Variants in SCP2 observed in about 807,000 individuals in gnomAD.
SCP2 encodes SCP-2/3-oxoacyl-CoA thiolase.
A neutral mutation model predicts 71.4 loss-of-function variants in SCP2; 48 were observed. The observed-to-expected ratio is 0.67, with a 90% CI of 0.53 to 0.86. The LOEUF (loss-of-function observed/expected upper bound fraction) is 0.86. SCP2 is among the 40% of genes least tolerant of loss of function. SCP2 has a pLI of 0.00. For missense variants in SCP2, 560 were observed against 655.6 expected (o/e 0.85, Z 1.59); for synonymous variants, 220 against 218.1 (o/e 1.01, Z -0.08).
chr1:53,023,853 T>G (rs1185103659), intron 12 of SCP2, among the ~76,000 whole-genome samples: 1 of 152,146 alleles, frequency 6.6e-6, no homozygotes, highest in Non-Finnish European at 1.5e-5. Context: ...TCCACACCCT[T>G]CCTTTCACCC....
chr1:53,001,750 A>G (rs1156742151), intron 11 of SCP2, among the ~76,000 whole-genome samples: 2 of 152,150 alleles, frequency 1.3e-5, no homozygotes, highest in Admixed American at 6.5e-5. Flanking sequence ...CCACCTTATG[A>G]AGCTTTTCCT....
intron 1 of SCP2, among the ~76,000 whole-genome samples, chr1:52,934,154 C>T (rs188965384): frequency 2.0e-4 from 31 of 152,270 alleles, no homozygotes; most frequent in African/African-American, 7.2e-4. Context: ...TTAATTCATA[C>T]TTGAGTATTT....
chr1:52,980,448 G>A lies in SCP2; in HGVS notation c.878G>A (p.Gly293Asp). The change falls in exon 10 of 16, where the codon GGC becomes GAC. Residue 293 changes from glycine to aspartate, a missense_variant. Coordinates refer to ENST00000371514, the MANE Select transcript of SCP2 (RefSeq NM_002979.5). ...GCAAGAAAATGCTATGAGAAATCTGGCCTGACACCAAATGATATTGACGTA... is the reference window on the plus strand; with the variant it reads ...GCAAGAAAATGCTATGAGAAATCTGACCTGACACCAAATGATATTGACGTA... The part of the protein sequence containing the change: ...EAARKCYEKS[G>D]LTPNDIDVIE... 4 of 1,614,060 alleles carry A rather than the reference G, an allele frequency of 2.5e-6. No individual in the cohort carries two copies. Among genetic ancestry groups the A allele is most frequent in the South Asian group, 2.2e-5 (2 of 91,080 alleles).
intron 12 of SCP2, among the ~76,000 whole-genome samples, chr1:53,020,647 A>G (rs983510958): frequency 2.0e-5 from 3 of 152,142 alleles, no homozygotes; most frequent in Non-Finnish European, 4.4e-5. Context: ...GGGGTATAGG[A>G]AAAAAATGAA....
At chr1:53,008,245 T>C (rs921292119) in intron 11 of SCP2, among the ~76,000 whole-genome samples, 5 of 152,014 alleles carry the variant, frequency 3.3e-5, no homozygotes, top group Admixed American at 3.3e-4. Context: ...TTCCAATCAA[T>C]AGAAAAAGAG....
intron 11 of SCP2, chr1:52,995,675 C>A (rs920400437): frequency 1.4e-5 from 10 of 715,438 alleles, no homozygotes; most frequent in African/African-American, 3.4e-5. Flanking sequence ...TGTCCATGAG[C>A]AGTTGCTCAA....
intron 11 of SCP2, among the ~76,000 whole-genome samples, chr1:53,011,509 T>C (rs541785860): frequency 6.6e-6 from 1 of 152,350 alleles, no homozygotes; most frequent in African/African-American, 2.4e-5. Flanking sequence ...CCCTTATGTA[T>C]GTAGCTGAGT....
intron 4 of SCP2, among the ~76,000 whole-genome samples, chr1:52,953,584 G>A (rs1252205918): frequency 6.6e-6 from 1 of 152,086 alleles, no homozygotes; most frequent in East Asian, 1.9e-4. Context: ...GGTCTCAAGC[G>A]ATACATCTGC....
chr1:53,049,962 C>T (rs933623857), intron 15 of SCP2: 5 of 152,226 alleles, frequency 3.3e-5, no homozygotes, highest in Non-Finnish European at 5.9e-5. Context: ...AATTATGCTA[C>T]GTTCCCAATT....
intron 6 of SCP2, among the ~76,000 whole-genome samples, chr1:52,974,558 C>G (rs1432109436): frequency 1.3e-5 from 2 of 152,054 alleles, no homozygotes; most frequent in Admixed American, 6.6e-5. Flanking sequence ...ATCTTATGTG[C>G]CTATTAGTTG....
intron 9 of SCP2, among the ~76,000 whole-genome samples, chr1:52,979,670 A>G (rs1367846656): frequency 2.0e-5 from 3 of 152,122 alleles, no homozygotes; most frequent in Admixed American, 2.0e-4. Context: ...TCTGGTAATA[A>G]ATGTCTTCAA....
chr1:52,943,987 A>G (rs1654530177), intron 2 of SCP2: 1 of 248,806 alleles, frequency 4.0e-6, no homozygotes, highest in Non-Finnish European at 8.3e-6. Flanking sequence ...TGCCAGCTAG[A>G]GGTGGTGCTG....
chr1:53,019,539 C>G (rs1661571345), intron 12 of SCP2, among the ~76,000 whole-genome samples: 2 of 152,182 alleles, frequency 1.3e-5, no homozygotes, highest in Non-Finnish European at 2.9e-5. Context: ...CCAGGCTCGT[C>G]CTGTGCTTTC....
intron 6 of SCP2, among the ~76,000 whole-genome samples, 173 bp from the exon 7 acceptor site, chr1:52,974,592 CATTT>C (rs1657783007): frequency 6.6e-6 from 1 of 152,128 alleles, no homozygotes; most frequent in Admixed American, 6.5e-5. Context: ...ATTAGGCCCA[CATTT>C]AATTATAAAT....
chr1:52,962,156 C>A (rs1656524871), intron 6 of SCP2, among the ~76,000 whole-genome samples: 1 of 152,174 alleles, frequency 6.6e-6, no homozygotes, highest in Admixed American at 6.5e-5. Context: ...CCTGTCTCAG[C>A]CTCCCAAAGT....
chr1:52,987,008 T>TA (rs1410912982), intron 10 of SCP2, among the ~76,000 whole-genome samples: 1,169 of 68,054 alleles, frequency 0.017, 3 homozygotes, highest in East Asian at 0.043. Context: ...ATATATATAT[T>TA]TTTTTTTTTT....
chr1:52,980,345 T>A (rs1215190723), intron 9 of SCP2, 51 bp from the exon 10 acceptor site: 1 of 1,557,592 alleles, frequency 6.4e-7, no homozygotes, highest in East Asian at 2.2e-5. Flanking sequence ...AAATACTTGT[T>A]TAAAAGGCCC....
intron 10 of SCP2, among the ~76,000 whole-genome samples, chr1:52,981,561 C>A (rs541010304): frequency 1.3e-5 from 2 of 151,146 alleles, no homozygotes; most frequent in African/African-American, 4.9e-5. Flanking sequence ...CTCAGCCTCC[C>A]GAGTATTACA....
chr1:52,929,224 G>A (rs2150090051), intron 1 of SCP2, among the ~76,000 whole-genome samples: 1 of 145,994 alleles, frequency 6.8e-6, no homozygotes, highest in African/African-American at 2.6e-5. Flanking sequence ...GGAAGACGGA[G>A]TTTTGCTCTG....
Sources: allele counts gnomAD v4.1 joint callset (sites outside exome capture counted in the v4.1 genomes callset), GRCh38; gene constraint gnomAD v4.1.1; transcripts MANE v1.5; gene names NCBI Gene and HGNC (gene_info 2026-07-23, HGNC 2026-07-21).